The following KIRREL3 variants were observed in gnomAD, a reference collection of about 807,000 sequenced individuals.
The protein encoded by KIRREL3 is kirre like nephrin family adhesion molecule 3.
Under a neutral mutation model 89.7 loss-of-function variants are expected in KIRREL3, and 36 were observed. The observed-to-expected ratio is 0.40, with a 90% CI of 0.31 to 0.53. The LOEUF is 0.53. KIRREL3 is among the 20% of genes least tolerant of loss of function. The pLI, the probability that KIRREL3 is intolerant of heterozygous loss-of-function variation, is 0.49. For missense variants in KIRREL3, 864 were observed against 1,056.6 expected, an observed-to-expected ratio of 0.82 and a Z score of 2.53; for synonymous variants, 445 against 441.4, an observed-to-expected ratio of 1.01 and a Z score of -0.10.
rs1944228752 is a variant in KIRREL3, at chr11:126,635,532, G to T, written c.56-72620C>A. Among the ~76,000 whole-genome samples the T allele has an allele frequency of 6.6e-6, 1 of 152,196 alleles. No homozygotes were observed. ...CAGTGGCTGATGGCCTGGAGGAGGAGATAGGGAGGGAGGAGAAGGCTGGAT... is the reference window on the plus strand; with the variant it reads ...CAGTGGCTGATGGCCTGGAGGAGGATATAGGGAGGGAGGAGAAGGCTGGAT... On this transcript the variant is annotated intron_variant, in intron 1 of 16. Transcript: ENST00000525144. This position sits in a 1 kb window ranked among gnomAD's most constrained non-coding sequence, Gnocchi z 4.0.
At position 126,612,538 on chromosome 11, in the gene KIRREL3, C is replaced by T. The variant is rs774675052; in HGVS notation, c.56-49626G>A. Among the ~76,000 whole-genome samples the T allele has an allele frequency of 3.9e-5, 6 of 152,144 alleles. No homozygotes were observed. Among genetic ancestry groups the T allele is most frequent in the Non-Finnish European group, 8.8e-5 (6 of 68,028 alleles). ...TGTTGTTCATATAACATAACATTTT[C>T]CCCTTTAAAATAGACAGTTCAGTAG... On this transcript the variant is annotated intron_variant, in intron 1 of 16. Transcript: ENST00000525144. The surrounding 1 kb of genome is among the most constrained non-coding windows in gnomAD (Gnocchi z 4.5).
chr11:126,537,733 C>T lies in KIRREL3; in HGVS notation c.134-11046G>A, dbSNP rs111615950. Among the ~76,000 whole-genome samples the T allele has an allele frequency of 3.3e-5, 5 of 152,282 alleles. 1 individual carries two copies. Among genetic ancestry groups the T allele is most frequent in the African/African-American group, 1.2e-4 (5 of 41,548 alleles). On this transcript the variant is annotated intron_variant, in intron 2 of 16. Coordinates refer to ENST00000525144, the MANE Select transcript of KIRREL3 (RefSeq NM_032531.4). The surrounding 1 kb of genome is among the most constrained non-coding windows in gnomAD (Gnocchi z 4.3). ...CTATCTGAAAAATGGGGATGACACG[C>T]CTCCCTGGCAAAGCTGCTGTGAGCA...
In KIRREL3 at chr11:126,664,339, T is replaced by C. The variant is rs879818146; in HGVS notation, c.56-101427A>G. Among the ~76,000 whole-genome samples, 15 of 152,004 alleles carry C rather than the reference T, an allele frequency of 9.9e-5. No individual in the cohort carries two copies. Among genetic ancestry groups the C allele is most frequent in the Admixed American group, 2.0e-4 (3 of 15,266 alleles). On this transcript the variant is annotated intron_variant, in intron 1 of 16. Transcript: ENST00000525144. The surrounding 1 kb of genome is among the most constrained non-coding windows in gnomAD (Gnocchi z 5.4). ...ACACAGAACCTATCCTTGTCCTATG[T>C]GACAGGCAGGGCAAGAGTAAGAGAG...
chr11:126,629,065 G>T (rs917552083), intron 1 of KIRREL3, among the ~76,000 whole-genome samples: 6 of 152,268 alleles, frequency 3.9e-5, no homozygotes, highest in Middle Eastern at 3.4e-3. Context: ...CTCTTCCCTT[G>T]TCTCTTCCAA....
chr11:126,619,557 T>G (rs1302787965), intron 1 of KIRREL3, among the ~76,000 whole-genome samples: 2 of 152,266 alleles, frequency 1.3e-5, no homozygotes, highest in African/African-American at 4.8e-5. Context: ...TCTCTTCTAC[T>G]GATCAAAGTT....
rs1468444567 is a variant in KIRREL3, at chr11:126,492,873, T to C, written c.434-19407A>G. Among the ~76,000 whole-genome samples the C allele has an allele frequency of 1.3e-5, 2 of 151,964 alleles. No homozygotes were observed. Among genetic ancestry groups the C allele is most frequent in the Non-Finnish European group, 2.9e-5 (2 of 67,986 alleles). On this transcript the variant is annotated intron_variant, in intron 4 of 16. Coordinates refer to ENST00000525144, the MANE Select transcript of KIRREL3 (RefSeq NM_032531.4). This position sits in a 1 kb window ranked among gnomAD's most constrained non-coding sequence, Gnocchi z 4.8. ...AGAGACCTCCAGGCAGATGGCAAGG[T>C]TGGTCTCCAGAAAAGACAGACCAGG... is the stretch of plus-strand genomic sequence containing the variant.
In KIRREL3 at chr11:127,000,597, C is replaced by G; in HGVS notation, c.-88G>C. 1 of 1,411,196 alleles carries G rather than the reference C, an allele frequency of 7.1e-7. No homozygotes were observed. 87.4% of individuals were successfully genotyped at this position (1,411,196 alleles called of 1,614,324 possible). Reference sequence around the variant, plus strand: ...GCGGCTCTCGGTGCTCAGCCTCCGCCGGTCCTCTCGGGTTCGCGCCTACCA... The same window carrying G: ...GCGGCTCTCGGTGCTCAGCCTCCGCGGGTCCTCTCGGGTTCGCGCCTACCA... On this transcript the variant is annotated 5_prime_UTR_variant, in exon 1 of 17. Coordinates refer to ENST00000525144, the MANE Select transcript of KIRREL3 (RefSeq NM_032531.4). This position sits in a 1 kb window ranked among gnomAD's most constrained non-coding sequence, Gnocchi z 7.1.
chr11:126,804,788 C>T (rs546660460), intron 1 of KIRREL3, among the ~76,000 whole-genome samples: 38 of 152,216 alleles, frequency 2.5e-4, no homozygotes, highest in African/African-American at 9.1e-4. Flanking sequence ...TGGCTCACAA[C>T]CTGAGAATGT....
At chr11:126,596,695 C>T (rs1423409096) in intron 1 of KIRREL3, among the ~76,000 whole-genome samples, 1 of 152,208 alleles carries the variant, frequency 6.6e-6, no homozygotes, top group Non-Finnish European at 1.5e-5. Context: ...GCTCTACATT[C>T]TGTCTTAGGA....
Position 126,485,461 on chromosome 11 carries a change from T to A in KIRREL3, c.434-11995A>T, listed in dbSNP as rs528912026. ...CTGGCTGGGCTTCTGGCTCCGTCATTCACTGGCCACGTGACCATGTGCAAA... is the reference window on the plus strand; with the variant it reads ...CTGGCTGGGCTTCTGGCTCCGTCATACACTGGCCACGTGACCATGTGCAAA... On this transcript the variant is annotated intron_variant, in intron 4 of 16. Coordinates refer to ENST00000525144, the MANE Select transcript of KIRREL3 (RefSeq NM_032531.4). The surrounding 1 kb of genome is among the most constrained non-coding windows in gnomAD (Gnocchi z 5.8). Among the ~76,000 whole-genome samples the A allele has an allele frequency of 6.1e-4, 93 of 152,328 alleles. No homozygotes were observed. The highest frequency in any genetic ancestry group is 2.1e-3 in the African/African-American group (87 of 41,582).
rs1279331900 is a variant in KIRREL3 at position 126,943,587 on chromosome 11, A to C, written c.55+56868T>G. ...CTGAACGATAAATGAACAGTAATGC[A>C]TTCATATCGAATACATCTCAGAGCA... On this transcript the variant is annotated intron_variant, in intron 1 of 16. Coordinates refer to ENST00000525144, the MANE Select transcript of KIRREL3 (RefSeq NM_032531.4). This position sits in a 1 kb window ranked among gnomAD's most constrained non-coding sequence, Gnocchi z 4.2. Among the ~76,000 whole-genome samples, 5 of 152,238 alleles carry C rather than the reference A, an allele frequency of 3.3e-5. No individual in the cohort carries two copies. The highest frequency in any genetic ancestry group is 7.3e-5 in the Non-Finnish European group (5 of 68,044).
intron 1 of KIRREL3, among the ~76,000 whole-genome samples, chr11:126,873,581 C>T (rs1623141): frequency 0.24 from 36,764 of 152,144 alleles, 4,991 homozygotes; most frequent in Non-Finnish European, 0.31. Flanking sequence ...AAAGCAAAAG[C>T]AATTTTTATA....
intron 1 of KIRREL3, among the ~76,000 whole-genome samples, chr11:126,678,745 C>T (rs1292672079): frequency 1.3e-5 from 2 of 152,078 alleles, no homozygotes; most frequent in Non-Finnish European, 2.9e-5. Context: ...ATGTCCACTG[C>T]CCAGTCTCAC....
chr11:126,718,399 A>AAAGATGACTC (rs1948049674), intron 1 of KIRREL3, among the ~76,000 whole-genome samples: 1 of 152,226 alleles, frequency 6.6e-6, no homozygotes, highest in Non-Finnish European at 1.5e-5. Context: ...ATTGCCATAG[A>AAAGATGACTC]AAGATGACTC....
rs1424580812 is a variant in KIRREL3, at chr11:126,776,555, T to C, written c.56-213643A>G. 6.6e-6 allele frequency among the ~76,000 whole-genome samples: 1 copy of C among 152,058 alleles called. No individual in the cohort carries two copies. The highest frequency in any genetic ancestry group is 2.4e-5 in the African/African-American group (1 of 41,396). On this transcript the variant is annotated intron_variant, in intron 1 of 16. Coordinates refer to ENST00000525144, the MANE Select transcript of KIRREL3 (RefSeq NM_032531.4). The surrounding 1 kb of genome is among the most constrained non-coding windows in gnomAD (Gnocchi z 4.7). The stretch of plus-strand genomic sequence containing the variant: ...GAGCCGTCGGTAGGGTTAATGCAGG[T>C]CCCTTAAGAGAGATTGAGTCCTTCT...
rs1017764214 is a variant in KIRREL3, at chr11:126,440,402, G to A, written c.1353+47C>T. On this transcript the variant is annotated intron_variant, in intron 11 of 16. Transcript: ENST00000525144. Reference sequence around the variant, plus strand: ...CACCCAGGTATTGGCAAAAGTGACTGTTGGGCTGCTGGCCCGGCCCCCGCC... The same window carrying A: ...CACCCAGGTATTGGCAAAAGTGACTATTGGGCTGCTGGCCCGGCCCCCGCC... 9 of 1,518,456 alleles carry A rather than the reference G, an allele frequency of 5.9e-6. No individual in the cohort carries two copies. The East Asian group carries it at 2.2e-4, about 37-fold the overall frequency. The allele number at this position is 1,518,456 out of a possible 1,614,324, so 94.1% of individuals were successfully genotyped here. A position where few individuals can be genotyped will look rare whatever the true frequency, so the allele number is the denominator to read the frequency against.
At chr11:126,483,521 C>T (rs985637366) in intron 4 of KIRREL3, among the ~76,000 whole-genome samples, 6 of 152,224 alleles carry the variant, frequency 3.9e-5, no homozygotes, top group African/African-American at 1.2e-4. Context: ...CCCACGGCAT[C>T]AACTGTCTCT....
At chr11:126,554,918 CTGGGCATCGGAGA>C (rs1939586350) in intron 2 of KIRREL3, among the ~76,000 whole-genome samples, 1 of 152,168 alleles carries the variant, frequency 6.6e-6, no homozygotes, top group African/African-American at 2.4e-5. Flanking sequence ...AGGGCAGCAA[CTGGGCATCGGAGA>C]CTATGGATAG....
At chr11:126,621,021 G>A (rs12360857) in intron 1 of KIRREL3, among the ~76,000 whole-genome samples, 29,825 of 152,082 alleles carry the variant, frequency 0.2, 3,676 homozygotes, top group Non-Finnish European at 0.28. Context: ...TTGAGTGTAA[G>A]CGAATGCAAA....
Sources: allele counts gnomAD v4.1 joint callset (sites outside exome capture counted in the v4.1 genomes callset), GRCh38; gene constraint gnomAD v4.1.1; non-coding constraint Gnocchi (gnomAD v3.1); transcripts MANE v1.5; gene names NCBI Gene and HGNC (gene_info 2026-07-23, HGNC 2026-07-21).